Variants in RBM41 observed in about 807,000 individuals in gnomAD.
RBM41 encodes RNA binding motif protein 41.
In RBM41, 14 loss-of-function variants were observed where a neutral mutation model predicts 30.8. That is an observed-to-expected ratio of 0.45 (90% CI 0.30 to 0.71). The LOEUF is 0.71. Ranked by LOEUF, RBM41 falls within the 30% of genes least tolerant of loss-of-function variation. The pLI, the probability that RBM41 is intolerant of heterozygous loss-of-function variation, is 0.08. For synonymous variants in RBM41, 120 were observed against 110.1 expected (o/e 1.09, Z -0.56); for missense variants, 276 against 326.3 (o/e 0.85, Z 1.19).
At chrX:107,073,702 A>G (rs1233022433) in intron 6 of RBM41, among the ~76,000 whole-genome samples, 1 of 112,243 alleles carries the variant, frequency 8.9e-6, no homozygotes, top group Non-Finnish European at 1.9e-5. Flanking sequence ...TATTTATTGC[A>G]GCACTATTCA....
At position 107,088,484 on chromosome X, in the gene RBM41, G is replaced by A. The variant is rs781348214; in HGVS notation, c.951C>T (p.Ile317=). ...ATGAAGAAAACATAGGAATTTTTCG[G>A]ATCTCTTCCTCTGACAAACGATTTC... The part of the protein sequence containing the change: ...IQRNRLSEEE[I]RKIPMFSSYN... Residue 317 remains isoleucine (I), a synonymous_variant, in exon 6 of 8, where the codon ATC becomes ATT. Coordinates refer to ENST00000685964, the MANE Select transcript of RBM41 (RefSeq NM_001324242.2). 7 of 1,211,478 alleles carry A rather than the reference G, an allele frequency of 5.8e-6. No individual in the cohort carries two copies. The highest frequency in any genetic ancestry group is 7.8e-6 in the Non-Finnish European group (7 of 895,282).
At chrX:107,071,108 C>T (rs749419950) in intron 6 of RBM41, among the ~76,000 whole-genome samples, 2 of 105,272 alleles carry the variant, frequency 1.9e-5, no homozygotes, top group South Asian at 4.3e-4. Flanking sequence ...TGTGATTGAA[C>T]GTAAGATGTT....
At chrX:107,100,797 A>G (rs1321582970) in intron 5 of RBM41, among the ~76,000 whole-genome samples, 1 of 111,836 alleles carries the variant, frequency 8.9e-6, no homozygotes, top group Non-Finnish European at 1.9e-5. Context: ...AACATGTACA[A>G]GAAAGATCAC....
intron 6 of RBM41, among the ~76,000 whole-genome samples, chrX:107,078,780 G>A (rs979817051): frequency 9.6e-6 from 1 of 104,333 alleles, no homozygotes; most frequent in Admixed American, 1.0e-4. Flanking sequence ...TTAAGATAAT[G>A]ATTTATTTTA....
chrX:107,052,643 T>C, the RBM41 span, among the ~76,000 whole-genome samples: 1 of 111,782 alleles, frequency 8.9e-6, no homozygotes, highest in Admixed American at 9.5e-5. Context: ...ATTTTAGTCA[T>C]GGACTGCATC....
At chrX:107,118,663 T>G in intron 1 of RBM41, 103 bp downstream of exon 1, 63 of 1,069,614 alleles carry the variant, frequency 5.9e-5, no homozygotes, top group Non-Finnish European at 7.7e-5. Flanking sequence ...AACCGCATCC[T>G]GAGAACGTGC....
chrX:107,102,005 A>G (rs1245186092), intron 5 of RBM41, among the ~76,000 whole-genome samples: 1 of 111,496 alleles, frequency 9.0e-6, no homozygotes. Flanking sequence ...CAGTAGAGAA[A>G]GCTGCTATTA....
At chrX:107,072,103 C>T (rs906341568) in intron 6 of RBM41, among the ~76,000 whole-genome samples, 4 of 111,482 alleles carry the variant, frequency 3.6e-5, no homozygotes, top group Non-Finnish European at 7.5e-5. Context: ...TCTCACCACT[C>T]TTATTCAACA....
rs753379405 is a variant in RBM41 at position 107,088,727 on chromosome X, G to A, written c.708C>T (p.Pro236=). The change falls in exon 6 of 8, where the codon CCC becomes CCT. Residue 236 remains proline, a synonymous_variant. Coordinates refer to ENST00000685964, the MANE Select transcript of RBM41 (RefSeq NM_001324242.2). ...CTGAGACCAGTGAGTGGGAAGCAAA[G>A]GGTTCACCTCTCATAAGTTGAAACT... ...LEEFQLMRGE[P]FASHSLVSAT... 7 of 1,209,279 alleles carry A rather than the reference G, an allele frequency of 5.8e-6. No homozygotes were observed. The highest frequency in any genetic ancestry group is 5.3e-5 in the African/African-American group (3 of 56,878).
chrX:107,115,478 G>A lies in RBM41; in HGVS notation c.397C>T (p.Arg133Cys), dbSNP rs775670658. 2.6e-5 allele frequency: 31 copies of A among 1,209,803 alleles called. No homozygotes were observed. The highest frequency in any genetic ancestry group is 8.7e-5 in the African/African-American group (5 of 57,179). ...AATCTCTGTGGCAGGCAAAGAATGC[G>A]CTGACGCTCCGAGATCCTTTCTTCA... ...DIEERISERQ[R>C]ILCLPQRFAK... The change falls in exon 4 of 8, where the codon CGC becomes TGC. Residue 133 changes from arginine (R) to cysteine (C), a missense_variant. Physicochemically the swap from Arg to Cys is radical, Grantham distance 180. Coordinates refer to ENST00000685964, the MANE Select transcript of RBM41 (RefSeq NM_001324242.2).
In RBM41 at chrX:107,118,758, G is replaced by C. The variant is rs749025171; in HGVS notation, c.8+8C>G. The C allele has an allele frequency of 3.4e-5, 41 of 1,210,014 alleles. No individual in the cohort carries two copies. The highest frequency in any genetic ancestry group is 1.1e-4 in the Admixed American group (5 of 45,840). On this transcript the variant is annotated splice_region_variant and intron_variant, in intron 1 of 7. Coordinates refer to ENST00000685964, the MANE Select transcript of RBM41 (RefSeq NM_001324242.2). The stretch of plus-strand genomic sequence containing the variant: ...CCCTTGCCGCCTGCTCTTCAGACAA[G>C]TCCTTACCTCTTCATGTTTCCACAG...
chrX:107,055,948 ACAT>A, the RBM41 span, among the ~76,000 whole-genome samples: 2 of 112,194 alleles, frequency 1.8e-5, no homozygotes, highest in African/African-American at 6.5e-5. Flanking sequence ...ACCACAACTA[ACAT>A]CATACACAAT....
intron 5 of RBM41, among the ~76,000 whole-genome samples, chrX:107,091,268 A>T (rs945343203): frequency 2.7e-5 from 3 of 111,989 alleles, no homozygotes; most frequent in East Asian, 2.8e-4. Flanking sequence ...ATACTTACAG[A>T]ATTTTACAAT....
At position 107,066,060 on chromosome X, in the gene RBM41, C is replaced by T. The variant is rs986751867; in HGVS notation, c.*1467G>A. On this transcript the variant is annotated 3_prime_UTR_variant, in exon 8 of 8. Coordinates refer to ENST00000685964, the MANE Select transcript of RBM41 (RefSeq NM_001324242.2). ...TGATTATGTGAGATGTTTTATTTCA[C>T]GTTCATTTTTGAAAAATAGTTTTAT... Among the ~76,000 whole-genome samples, 14 of 111,665 alleles carry T rather than the reference C, an allele frequency of 1.3e-4. No homozygotes were observed. Among genetic ancestry groups the T allele is most frequent in the Admixed American group, 1.9e-4 (2 of 10,503 alleles).
intron 5 of RBM41, 95 bp downstream of exon 5, chrX:107,113,302 A>G (rs1194168747): frequency 7.6e-6 from 7 of 922,002 alleles, no homozygotes; most frequent in Non-Finnish European, 9.8e-6. Flanking sequence ...TCCTATAAAC[A>G]TTGTCATATA....
At position 107,083,151 on chromosome X, in the gene RBM41, T is replaced by C. The variant is rs747770050; in HGVS notation, c.999+5285A>G. ...TGTTTGTCTGAGAAAGTCTTTATTA[T>C]TTTTCCTTCACTTTTGAAGGATTTT... On this transcript the variant is annotated intron_variant, in intron 6 of 7. Coordinates refer to ENST00000685964, the MANE Select transcript of RBM41 (RefSeq NM_001324242.2). Among the ~76,000 whole-genome samples, 3 of 100,819 alleles carry C rather than the reference T, an allele frequency of 3.0e-5. No homozygotes were observed. The South Asian group carries it at 1.4e-3, about 46-fold the overall frequency. 87.5% of individuals were successfully genotyped at this position (100,819 alleles called of 115,157 possible).
At chrX:107,109,497 T>C (rs1242658685) in intron 5 of RBM41, among the ~76,000 whole-genome samples, 3 of 111,729 alleles carry the variant, frequency 2.7e-5, no homozygotes, top group African/African-American at 6.5e-5. Context: ...ACTTGATCAG[T>C]CTAGCTAAGG....
At chrX:107,084,149 ACAAAT>A (rs1246716582) in intron 6 of RBM41, among the ~76,000 whole-genome samples, 1 of 108,135 alleles carries the variant, frequency 9.2e-6, no homozygotes, top group East Asian at 2.9e-4. Context: ...AAAAAAAAAA[ACAAAT>A]CAAAACAAAA....
At chrX:107,083,917 GTT>G (rs775394889) in intron 6 of RBM41, among the ~76,000 whole-genome samples, 1 of 95,032 alleles carries the variant, frequency 1.1e-5, no homozygotes, top group Non-Finnish European at 2.1e-5. Context: ...CAGAATGTGT[GTT>G]TTTTTTTTTT....
Sources: gnomAD v4.1 joint callset for allele counts (sites outside exome capture counted in the v4.1 genomes callset) on GRCh38, gnomAD v4.1.1 for gene constraint, MANE v1.5 for transcripts, NCBI Gene and HGNC (gene_info 2026-07-23, HGNC 2026-07-21) for gene names.